PCSK5: variants seen among roughly 807,000 people sequenced by gnomAD.
PCSK5 encodes prohormone convertase 5.
PCSK5 carries 129 observed loss-of-function variants against 233.2 expected under a neutral mutation model. The ratio of observed to expected loss-of-function variants is 0.55; its 90% CI spans 0.48 to 0.64. The LOEUF (loss-of-function observed/expected upper bound fraction) is 0.64. Ranked by LOEUF, PCSK5 falls within the 30% of genes least tolerant of loss-of-function variation. PCSK5 has a pLI of 0.00. For synonymous variants in PCSK5, 825 were observed against 879.2 expected, an observed-to-expected ratio of 0.94 and a Z score of 1.09; for missense variants, 2,076 against 2,430.1, an observed-to-expected ratio of 0.85 and a Z score of 3.06.
At position 76,359,385 on chromosome 9, in the gene PCSK5, T is replaced by C. The variant is rs544844716; in HGVS notation, c.*463T>C. Reference sequence around the variant, plus strand: ...TACAAAGGAGTTGTTGGTTTGGTGGTGTTTTTCTTCCCTTTAGCTGTCTTT... The same window carrying C: ...TACAAAGGAGTTGTTGGTTTGGTGGCGTTTTTCTTCCCTTTAGCTGTCTTT... On this transcript the variant is annotated 3_prime_UTR_variant, in exon 38 of 38. Transcript: ENST00000674117. 1 of 164,146 alleles carries C rather than the reference T, an allele frequency of 6.1e-6. No homozygotes were observed. The highest frequency in any genetic ancestry group is 1.6e-4 in the South Asian group (1 of 6,230). The allele number at this position is 164,146 out of a possible 1,614,324, so 10.2% of individuals were successfully genotyped here.
chr9:76,175,084 C>G lies in PCSK5; in HGVS notation c.1855C>G (p.Arg619Gly). The part of the protein sequence containing the change: ...FPKVERFRYS[R>G]VEDPTDDYGT... ...GAAAGTGGAACGGTTCCGCTATAGCCGAGTTGAAGACCCCACAGACGACTA... is the reference window on the plus strand; with the variant it reads ...GAAAGTGGAACGGTTCCGCTATAGCGGAGTTGAAGACCCCACAGACGACTA... Residue 619 changes from arginine to glycine, a missense_variant, in exon 14 of 38, where the codon CGA becomes GGA. By Grantham distance (125) the Arg-to-Gly change is moderately radical. Transcript: ENST00000674117. The G allele has an allele frequency of 6.2e-7, 1 of 1,614,124 alleles. No individual in the cohort carries two copies. Among genetic ancestry groups the G allele is most frequent in the South Asian group, 1.1e-5 (1 of 91,074 alleles).
chr9:76,349,273 CA>C (rs71372068), intron 35 of PCSK5, among the ~76,000 whole-genome samples: 118 of 66,486 alleles, frequency 1.8e-3, no homozygotes, highest in African/African-American at 5.2e-3. Context: ...GACTCTGTCT[CA>C]AAAAAAAAAA....
intron 2 of PCSK5, among the ~76,000 whole-genome samples, chr9:75,978,724 T>C (rs1563951288): frequency 6.6e-6 from 1 of 152,178 alleles, no homozygotes; most frequent in Non-Finnish European, 1.5e-5. Context: ...ACAACTGATA[T>C]TATTTCTTTT....
At chr9:76,153,889 C>A (rs565400525) in intron 10 of PCSK5, among the ~76,000 whole-genome samples, 26 of 152,268 alleles carry the variant, frequency 1.7e-4, no homozygotes, top group African/African-American at 6.3e-4. Flanking sequence ...TATTCTGAAC[C>A]CTTGGGAGCC....
At chr9:75,928,596 CAT>C (rs61537466) in intron 1 of PCSK5, among the ~76,000 whole-genome samples, 8,112 of 67,156 alleles carry the variant, frequency 0.12, 342 homozygotes, top group Non-Finnish European at 0.15. Flanking sequence ...CATATAAATA[CAT>C]ATATATATAT....
At chr9:76,223,666 A>T (rs2131304201) in intron 20 of PCSK5, among the ~76,000 whole-genome samples, 1 of 152,352 alleles carries the variant, frequency 6.6e-6, no homozygotes, top group Middle Eastern at 3.4e-3. Context: ...GAGAAAGATG[A>T]TCTGGAAATC....
intron 34 of PCSK5, among the ~76,000 whole-genome samples, chr9:76,335,727 C>G (rs1017331441): frequency 6.6e-6 from 1 of 152,180 alleles, no homozygotes; most frequent in African/African-American, 2.4e-5. Flanking sequence ...CCTACTGATG[C>G]TTTTCATCTT....
chr9:76,289,494 C>CATGCAACAT (rs1554717432), intron 24 of PCSK5, among the ~76,000 whole-genome samples: 1 of 128,054 alleles, frequency 7.8e-6, no homozygotes, highest in African/African-American at 3.1e-5. Context: ...CACACACACA[C>CATGCAACAT]ACACACACAC....
At chr9:75,994,845 G>C (rs990768669) in intron 3 of PCSK5, among the ~76,000 whole-genome samples, 3 of 152,120 alleles carry the variant, frequency 2.0e-5, no homozygotes, top group Non-Finnish European at 2.9e-5. Flanking sequence ...ATTTCCCTTT[G>C]CTTAACACTT....
chr9:75,981,193 T>C (rs7847011), intron 2 of PCSK5, among the ~76,000 whole-genome samples: 111,859 of 152,102 alleles, frequency 0.74, 41,430 homozygotes, highest in East Asian at 0.83. Flanking sequence ...GCTAGAACAT[T>C]GACCTCACCT....
At chr9:76,311,086 T>C (rs28436981) in intron 30 of PCSK5, among the ~76,000 whole-genome samples, 3,038 of 152,254 alleles carry the variant, frequency 0.02, 106 homozygotes, top group African/African-American at 0.067. Flanking sequence ...ATGAAAAATA[T>C]GTTCAGGGGC....
intron 9 of PCSK5, among the ~76,000 whole-genome samples, chr9:76,126,015 A>G (rs1163896727): frequency 3.3e-5 from 5 of 152,226 alleles, no homozygotes; most frequent in Non-Finnish European, 5.9e-5. Flanking sequence ...CTGGAAAGAT[A>G]GCATTTTGGC....
At chr9:76,328,347 T>C in intron 33 of PCSK5, 108 bp downstream of exon 33, 1 of 807,026 alleles carries the variant, frequency 1.2e-6, no homozygotes. Context: ...GATTTTTTGC[T>C]TTGTGTTTGG....
intron 16 of PCSK5, among the ~76,000 whole-genome samples, chr9:76,182,223 A>G (rs1016676214): frequency 2.0e-5 from 3 of 152,216 alleles, no homozygotes; most frequent in Non-Finnish European, 2.9e-5. Context: ...TTTGCTAAGG[A>G]CAACATTCAG....
At chr9:75,891,479 C>T in intron 1 of PCSK5, 106 bp downstream of exon 1, 4 of 930,172 alleles carry the variant, frequency 4.3e-6, no homozygotes, top group Non-Finnish European at 6.5e-6. Context: ...GCTCTAGCAG[C>T]TGTTGCCCTA....
rs1353147143 is a variant in PCSK5 at position 76,334,956 on chromosome 9, T to C, written c.4748+2346T>C. Among the ~76,000 whole-genome samples the C allele has an allele frequency of 2.6e-5, 4 of 152,122 alleles. No homozygotes were observed. In the South Asian group the frequency reaches 8.3e-4, roughly 31 times the overall value. On this transcript the variant is annotated intron_variant, in intron 34 of 37. Transcript: ENST00000674117. ...AGCAGGGTGTGCAGGCAGGCACCTG[T>C]GATCCCAGCTACTGGGGAATCTGTG...
chr9:75,929,618 C>G (rs897551936), intron 1 of PCSK5, among the ~76,000 whole-genome samples: 2 of 151,918 alleles, frequency 1.3e-5, no homozygotes, highest in Non-Finnish European at 2.9e-5. Flanking sequence ...TTGACACAGT[C>G]AAGGAATGGA....
chr9:76,121,131 C>T (rs1177097767), intron 9 of PCSK5, among the ~76,000 whole-genome samples: 3 of 151,678 alleles, frequency 2.0e-5, no homozygotes, highest in Non-Finnish European at 4.4e-5. Context: ...TTCTGTTTCA[C>T]TTTTTGTCAA....
At chr9:76,083,730 A>G (rs1164338706) in intron 7 of PCSK5, among the ~76,000 whole-genome samples, 1 of 152,262 alleles carries the variant, frequency 6.6e-6, no homozygotes, top group African/African-American at 2.4e-5. Context: ...GTTTGCTGAA[A>G]GCAAAGATTG....
Sources: allele counts gnomAD v4.1 joint callset (sites outside exome capture counted in the v4.1 genomes callset), GRCh38; gene constraint gnomAD v4.1.1; transcripts MANE v1.5; gene names NCBI Gene and HGNC (gene_info 2026-07-23, HGNC 2026-07-21).